Variants in CACNA2D1 observed in about 807,000 individuals in gnomAD.
CACNA2D1 encodes the protein voltage-dependent calcium channel subunit alpha-2/delta-1.
A neutral mutation model predicts 171.5 loss-of-function variants in CACNA2D1; 53 were observed. That is an observed-to-expected ratio of 0.31 (90% CI 0.25 to 0.39). The LOEUF is 0.39. CACNA2D1 is among the 10% of genes least tolerant of loss of function. CACNA2D1 has a pLI of 1.00. For missense variants in CACNA2D1, 903 were observed against 1,299.8 expected, an observed-to-expected ratio of 0.69 and a Z score of 4.69; for synonymous variants, 442 against 443.1, an observed-to-expected ratio of 1.00 and a Z score of 0.03.
chr7:82,047,800 G>A (rs1804723963), intron 10 of CACNA2D1, among the ~76,000 whole-genome samples: 3 of 152,138 alleles, frequency 2.0e-5, no homozygotes, highest in Admixed American at 6.6e-5. Flanking sequence ...AATATCAGGT[G>A]AAGAGAAATG....
intron 6 of CACNA2D1, among the ~76,000 whole-genome samples, chr7:82,114,995 A>G (rs1456108407): frequency 2.0e-5 from 3 of 152,190 alleles, no homozygotes; most frequent in Admixed American, 6.6e-5. Context: ...TTAGAAATAA[A>G]AAGCCTCCCA....
intron 26 of CACNA2D1, among the ~76,000 whole-genome samples, chr7:81,971,305 G>C (rs181569587): frequency 6.6e-6 from 1 of 151,556 alleles, no homozygotes; most frequent in East Asian, 1.9e-4. Flanking sequence ...CAGTTGCTGT[G>C]ATTTCTTAGA....
At chr7:82,072,205 GA>G (rs1457130741) in intron 7 of CACNA2D1, among the ~76,000 whole-genome samples, 2 of 152,178 alleles carry the variant, frequency 1.3e-5, no homozygotes, top group Middle Eastern at 3.4e-3. Flanking sequence ...GTGGTGTCTT[GA>G]ATAACTGATG....
chr7:82,349,785 T>C lies in CACNA2D1; in HGVS notation c.96-136A>G, dbSNP rs560750006. 1.1e-4 allele frequency: 85 copies of C among 740,236 alleles called. No homozygotes were observed. The African/African-American group carries it at 1.2e-3, about 10-fold the overall frequency. 45.9% of individuals were successfully genotyped at this position (740,236 alleles called of 1,614,324 possible). On this transcript the variant is annotated intron_variant, in intron 1 of 38. Coordinates refer to ENST00000356860, the MANE Select transcript of CACNA2D1 (RefSeq NM_000722.4). The stretch of plus-strand genomic sequence containing the variant: ...TTCCTCTCCCTCCTAGCACCGACTA[T>C]GTCCACCCTTCCACTCCAGCTTTAA...
At chr7:82,076,405 T>A (rs3823922) in intron 7 of CACNA2D1, among the ~76,000 whole-genome samples, 56,328 of 151,894 alleles carry the variant, frequency 0.37, 10,995 homozygotes, top group Non-Finnish European at 0.43. Flanking sequence ...TCATCACTTT[T>A]CTCCCAAAAT....
intron 3 of CACNA2D1, among the ~76,000 whole-genome samples, chr7:82,288,189 G>C (rs1811077778): frequency 6.6e-6 from 1 of 151,948 alleles, no homozygotes; most frequent in Non-Finnish European, 1.5e-5. Flanking sequence ...AAACTTTCCT[G>C]CAATTCTCTT....
chr7:82,180,390 AACACAAAGCTC>A (rs1796996514), intron 3 of CACNA2D1, among the ~76,000 whole-genome samples: 1 of 152,158 alleles, frequency 6.6e-6, no homozygotes, highest in Admixed American at 6.5e-5. Flanking sequence ...TACTGATGCG[AACACAAAGCTC>A]ACGCTACCTA....
chr7:82,331,758 A>AT (rs1444926514), intron 3 of CACNA2D1, among the ~76,000 whole-genome samples: 26 of 152,300 alleles, frequency 1.7e-4, no homozygotes, highest in Admixed American at 4.6e-4. Flanking sequence ...AAGACACACT[A>AT]TTTCATTCCA....
chr7:81,952,429 G>T (rs2129981713), intron 38 of CACNA2D1, among the ~76,000 whole-genome samples: 1 of 152,130 alleles, frequency 6.6e-6, no homozygotes, highest in East Asian at 1.9e-4. Context: ...AAGAAAGAAA[G>T]CTGGGAGAAA....
intron 4 of CACNA2D1, among the ~76,000 whole-genome samples, chr7:82,141,616 C>G (rs1311396394): frequency 1.3e-5 from 2 of 152,180 alleles, no homozygotes; most frequent in Admixed American, 1.3e-4. Flanking sequence ...TATCTACACC[C>G]TGACCACAGG....
chr7:82,046,134 C>T (rs528646195), intron 10 of CACNA2D1, among the ~76,000 whole-genome samples: 5 of 152,064 alleles, frequency 3.3e-5, no homozygotes, highest in Non-Finnish European at 7.4e-5. Flanking sequence ...TTCATTAATT[C>T]CAAATATCAA....
chr7:82,358,037 G>C (rs2129446858), intron 1 of CACNA2D1, among the ~76,000 whole-genome samples: 1 of 152,208 alleles, frequency 6.6e-6, no homozygotes, highest in South Asian at 2.1e-4. Flanking sequence ...GTTATGCCCT[G>C]TGGAGCTGGG....
chr7:82,046,591 G>C (rs1056334811), intron 10 of CACNA2D1, among the ~76,000 whole-genome samples: 4 of 152,002 alleles, frequency 2.6e-5, no homozygotes, highest in African/African-American at 7.3e-5. Context: ...TGAAATAAAG[G>C]GTTTTTCTAG....
At chr7:82,111,588 T>G (rs140608679) in intron 6 of CACNA2D1, among the ~76,000 whole-genome samples, 93 of 150,924 alleles carry the variant, frequency 6.2e-4, no homozygotes, top group African/African-American at 2.1e-3. Flanking sequence ...GCTGGGACTA[T>G]AGGCGCATGC....
At chr7:82,412,377 G>A (rs185338444) in intron 1 of CACNA2D1, among the ~76,000 whole-genome samples, 6 of 151,008 alleles carry the variant, frequency 4.0e-5, no homozygotes, top group African/African-American at 1.2e-4. Flanking sequence ...TTGCCTCCAG[G>A]GTTCAAGCGA....
At chr7:82,339,687 C>T (rs1485982640) in intron 2 of CACNA2D1, among the ~76,000 whole-genome samples, 1 of 152,066 alleles carries the variant, frequency 6.6e-6, no homozygotes, top group African/African-American at 2.4e-5. Context: ...TAGCATGGAT[C>T]AAAGGTTTAA....
chr7:82,211,171 A>G (rs1312984757), intron 3 of CACNA2D1, among the ~76,000 whole-genome samples: 1 of 151,264 alleles, frequency 6.6e-6, no homozygotes, highest in Non-Finnish European at 1.5e-5. Flanking sequence ...TTCCCTTGGG[A>G]CAGGGGGATT....
chr7:82,194,731 G>A (rs1384200811), intron 3 of CACNA2D1, among the ~76,000 whole-genome samples: 3 of 151,992 alleles, frequency 2.0e-5, no homozygotes, highest in African/African-American at 7.2e-5. Flanking sequence ...GCAAAGGTCA[G>A]ATCAGGGAGA....
rs189187325 is a variant in CACNA2D1, at chr7:82,379,781, T to A, written c.96-30132A>T. 5.7e-3 allele frequency among the ~76,000 whole-genome samples: 869 copies of A among 152,328 alleles called. 6 individuals carry two copies. The highest frequency in any genetic ancestry group is 0.02 in the African/African-American group (837 of 41,578). ...CTCTTTCACTGTAAAGAGTGCCAAC[T>A]CATTCCTTCTATGAAATCTATGGGA... On this transcript the variant is annotated intron_variant, in intron 1 of 38. Transcript: ENST00000356860.
Sources: gnomAD v4.1 joint callset for allele counts (sites outside exome capture counted in the v4.1 genomes callset) on GRCh38, gnomAD v4.1.1 for gene constraint, MANE v1.5 for transcripts, NCBI Gene and HGNC (gene_info 2026-07-23, HGNC 2026-07-21) for gene names.